The following PIK3C2G variants were observed in gnomAD, a reference collection of about 807,000 sequenced individuals.
PIK3C2G encodes phosphatidylinositol 3-kinase C2 domain-containing subunit gamma.
PIK3C2G carries 168 observed loss-of-function variants against 181.1 expected under a neutral mutation model. The observed-to-expected ratio is 0.93, with a 90% CI of 0.82 to 1.05. The LOEUF (loss-of-function observed/expected upper bound fraction) is 1.05, where lower values mean the gene tolerates loss of function less well. PIK3C2G is among the 50% of genes least tolerant of loss of function. The pLI is 0.00. For synonymous variants in PIK3C2G, 573 were observed against 592.2 expected (o/e 0.97, Z 0.47); for missense variants, 1,869 against 1,732.8 (o/e 1.08, Z -1.40).
Position 18,532,444 on chromosome 12 carries a change from T to G in PIK3C2G, c.3324-5712T>G, listed in dbSNP as rs142477951. ...CTCCTTTTTTTTCCTAAAAGTTGTA[T>G]AACTTTACATTTTATATTTAAGTCT... On this transcript the variant is annotated intron_variant, in intron 24 of 32. Transcript: ENST00000538779. Among the ~76,000 whole-genome samples the G allele has an allele frequency of 1.1e-4, 16 of 152,310 alleles. No individual in the cohort carries two copies. The East Asian group carries it at 3.1e-3, about 29-fold the overall frequency.
the PIK3C2G span, among the ~76,000 whole-genome samples, chr12:18,701,227 C>T: frequency 2.0e-5 from 3 of 151,932 alleles, no homozygotes; most frequent in Admixed American, 1.3e-4. Context: ...TCATGTGATC[C>T]GCCCACCTCA....
intron 18 of PIK3C2G, among the ~76,000 whole-genome samples, chr12:18,482,957 C>T (rs923951320): frequency 4.6e-5 from 7 of 152,152 alleles, no homozygotes; most frequent in Admixed American, 4.6e-4. Flanking sequence ...GTTGGTTTTT[C>T]GTTTACTTGT....
chr12:18,640,061 G>T (rs576153800), intron 31 of PIK3C2G, among the ~76,000 whole-genome samples: 33 of 151,556 alleles, frequency 2.2e-4, no homozygotes, highest in Non-Finnish European at 4.0e-4. Context: ...TTCAAAAGTG[G>T]TGTACCACAT....
upstream of PIK3C2G, among the ~76,000 whole-genome samples, chr12:18,244,776 AT>A (rs1948022381): frequency 6.6e-6 from 1 of 152,080 alleles, no homozygotes; most frequent in East Asian, 1.9e-4. Flanking sequence ...ATGAACATTA[AT>A]CTCAGAAGTA....
At chr12:18,500,827 C>A (rs1941414392) in intron 22 of PIK3C2G, among the ~76,000 whole-genome samples, 1 of 152,136 alleles carries the variant, frequency 6.6e-6, no homozygotes, top group South Asian at 2.1e-4. Context: ...TGCAATAAAT[C>A]CTGCTGCTGC....
chr12:18,433,240 C>T (rs985642637), intron 18 of PIK3C2G, among the ~76,000 whole-genome samples: 2 of 152,096 alleles, frequency 1.3e-5, no homozygotes, highest in Non-Finnish European at 2.9e-5. Flanking sequence ...TGTGTCCCGG[C>T]GTGGTGGCTC....
At chr12:18,453,606 T>A (rs779288792) in intron 18 of PIK3C2G, among the ~76,000 whole-genome samples, 1 of 152,122 alleles carries the variant, frequency 6.6e-6, no homozygotes, top group Non-Finnish European at 1.5e-5. Flanking sequence ...GGAACACTCA[T>A]ATCTTGAGGT....
intron 4 of PIK3C2G, among the ~76,000 whole-genome samples, chr12:18,292,526 C>T (rs989012205): frequency 1.1e-4 from 16 of 151,784 alleles, no homozygotes; most frequent in African/African-American, 3.6e-4. Flanking sequence ...TCTGATTATT[C>T]GGCCAAGATC....
chr12:18,580,302 T>C (rs1946433722), intron 29 of PIK3C2G, among the ~76,000 whole-genome samples: 1 of 152,208 alleles, frequency 6.6e-6, no homozygotes, highest in African/African-American at 2.4e-5. Flanking sequence ...CTTTAGCTCT[T>C]CTCAGTACTG....
In PIK3C2G at chr12:18,620,568, A is replaced by AGATAGATAGATAGATG. The variant is rs201479764; in HGVS notation, c.4182+10940_4182+10941insATAGATAGATAGATGG. Among the ~76,000 whole-genome samples the AGATAGATAGATAGATG allele has an allele frequency of 2.4e-3, 369 of 151,440 alleles. 2 individuals are homozygous for AGATAGATAGATAGATG. The highest frequency in any genetic ancestry group is 8.6e-3 in the African/African-American group (351 of 40,904). Reference sequence around the variant, plus strand: ...TAGATAGATAGATAGATAGATAGATAGGTAACCATACTGTAGGGTGCAGCT... The same window carrying AGATAGATAGATAGATG: ...TAGATAGATAGATAGATAGATAGATAGATAGATAGATAGATGGGTAACCATACTGTAGGGTGCAGCT... On this transcript the variant is annotated intron_variant, in intron 31 of 32. Coordinates refer to ENST00000538779, the MANE Select transcript of PIK3C2G (RefSeq NM_001288772.2).
intron 18 of PIK3C2G, among the ~76,000 whole-genome samples, chr12:18,444,303 T>A (rs1946905687): frequency 6.6e-6 from 1 of 152,196 alleles, no homozygotes; most frequent in Admixed American, 6.5e-5. Flanking sequence ...ATCTTGAGAA[T>A]TTCCAACTCT....
intron 24 of PIK3C2G, among the ~76,000 whole-genome samples, chr12:18,522,566 C>T (rs1208786108): frequency 6.6e-6 from 1 of 150,928 alleles, no homozygotes; most frequent in Admixed American, 6.6e-5. Context: ...ATCCTATTCT[C>T]TCCTGGCTTG....
chr12:18,338,282 C>A, intron 8 of PIK3C2G, 144 bp from the exon 9 acceptor site: 1 of 641,332 alleles, frequency 1.6e-6, no homozygotes, highest in Non-Finnish European at 2.7e-6. Context: ...TAACCAGAGT[C>A]TTGAGAACTT....
chr12:18,683,742 A>G, the PIK3C2G span: 1 of 726,528 alleles, frequency 1.4e-6, no homozygotes, highest in Non-Finnish European at 2.1e-6. Flanking sequence ...AGGGGTCAGG[A>G]AAGGATAGTC....
intron 11 of PIK3C2G, among the ~76,000 whole-genome samples, chr12:18,350,049 G>A (rs938854536): frequency 2.0e-5 from 3 of 152,076 alleles, no homozygotes; most frequent in Non-Finnish European, 4.4e-5. Flanking sequence ...CTATAAAGAA[G>A]CAATGACCAT....
At chr12:18,669,422 C>G in the PIK3C2G span, among the ~76,000 whole-genome samples, 2 of 152,162 alleles carry the variant, frequency 1.3e-5, no homozygotes, top group East Asian at 3.9e-4. Context: ...TTTAAATAAT[C>G]TAATTCATAT....
intron 1 of PIK3C2G, among the ~76,000 whole-genome samples, chr12:18,253,681 GAA>G (rs1471219999): frequency 6.6e-6 from 1 of 152,156 alleles, no homozygotes; most frequent in Non-Finnish European, 1.5e-5. Flanking sequence ...GTAGCGCAAT[GAA>G]ACTCTTGAAG....
At chr12:18,297,146 C>T (rs114420686) in intron 5 of PIK3C2G, among the ~76,000 whole-genome samples, 356 of 152,064 alleles carry the variant, frequency 2.3e-3, no homozygotes, top group African/African-American at 8.4e-3. Flanking sequence ...TTTCCTAGAC[C>T]GTCCCTGCAT....
At chr12:18,675,488 C>T in the PIK3C2G span, among the ~76,000 whole-genome samples, 1 of 152,270 alleles carries the variant, frequency 6.6e-6, no homozygotes, top group African/African-American at 2.4e-5. Context: ...AAAAGCAGAA[C>T]AACCATTCAA....
Sources: allele counts gnomAD v4.1 joint callset (sites outside exome capture counted in the v4.1 genomes callset), GRCh38; gene constraint gnomAD v4.1.1; transcripts MANE v1.5; gene names NCBI Gene and HGNC (gene_info 2026-07-23, HGNC 2026-07-21).